The following PRRC2B variants were observed in gnomAD, a reference collection of about 807,000 sequenced individuals.
The protein encoded by PRRC2B is protein PRRC2B.
PRRC2B carries 68 observed loss-of-function variants against 242.3 expected under a neutral mutation model. The observed-to-expected ratio is 0.28, with a 90% confidence interval of 0.23 to 0.34. The LOEUF is 0.34. Among genes scored for constraint, PRRC2B ranks in the 10% least tolerant of loss-of-function variants. The pLI is 1.00. For missense variants in PRRC2B, 2,835 were observed against 2,954.8 expected, an observed-to-expected ratio of 0.96 and a Z score of 0.94; for synonymous variants, 1,228 against 1,173.6, an observed-to-expected ratio of 1.05 and a Z score of -0.95.
intron 9 of PRRC2B, among the ~76,000 whole-genome samples, chr9:131,449,577 A>G (rs1942847937): frequency 1.3e-5 from 2 of 152,136 alleles, no homozygotes; most frequent in African/African-American, 4.8e-5. Context: ...CAGCTGATAT[A>G]TTGTCCTTTG....
chr9:131,469,991 G>T (rs1332344954), intron 13 of PRRC2B, among the ~76,000 whole-genome samples: 1 of 152,132 alleles, frequency 6.6e-6, no homozygotes, highest in African/African-American at 2.4e-5. Context: ...CGGGGACCTG[G>T]TCTCGTCTGG....
rs759829656 is a variant in PRRC2B at position 131,476,472 on chromosome 9, G to A, written c.4343G>A (p.Gly1448Asp). ...TTTGGGGAGAAGCCCGTTAGGCCAG[G>A]TGGTGGTGACACCTCCCCTCGCTAT... ...GGFGEKPVRP[G>D]GGDTSPRYES... Residue 1448 changes from glycine (G) to aspartate (D), a missense_variant, in exon 16 of 32, where the codon GGT becomes GAT. Around this residue, in one of 7 missense-constraint regions of PRRC2B, gnomAD observed 1,536 missense variants for 1,483.1 expected, o/e 1.04. Coordinates refer to ENST00000683519, the MANE Select transcript of PRRC2B (RefSeq NM_013318.4). 4 of 1,612,962 alleles carry A rather than the reference G, an allele frequency of 2.5e-6. No homozygotes were observed. The highest frequency in any genetic ancestry group is 2.2e-5 in the South Asian group (2 of 91,024).
chr9:131,489,784 A>T (rs1296380833), intron 28 of PRRC2B, among the ~76,000 whole-genome samples: 2 of 151,916 alleles, frequency 1.3e-5, no homozygotes, highest in Non-Finnish European at 2.9e-5. Flanking sequence ...CCTCTCTTTC[A>T]TGCATCAGAT....
intron 23 of PRRC2B, among the ~76,000 whole-genome samples, chr9:131,484,350 G>T (rs1255108742): frequency 6.6e-6 from 1 of 152,158 alleles, no homozygotes. Context: ...CTGTCTGGAG[G>T]GCACTATGGA....
chr9:131,496,043 C>CT lies in PRRC2B; in HGVS notation c.*169_*170insT. 1.1e-6 allele frequency: 1 copy of CT among 910,370 alleles called. No homozygotes were observed. The allele number at this position is 910,370 out of a possible 1,614,324, so 56.4% of individuals were successfully genotyped here. A position where few individuals can be genotyped will look rare whatever the true frequency, so the allele number is the denominator to read the frequency against. On this transcript the variant is annotated 3_prime_UTR_variant, in exon 32 of 32. Transcript: ENST00000683519. ...GAAAGCTCCGTTGTCAACCAGCTTG[C>CT]ACCCGTGGATATATGGCATTGACCC...
At position 131,420,453 on chromosome 9, in the gene PRRC2B, TTTTC is replaced by T. The variant is rs148112779; in HGVS notation, c.-51-9601_-51-9598del. On this transcript the variant is annotated intron_variant, in intron 1 of 31. Transcript: ENST00000683519. ...TTTTCTTTTTTCTTTTTCTTTTTCT[TTTTC>T]TTTCTTTCTTTCTTTCTTTCTTTCT... Among the ~76,000 whole-genome samples the T allele has an allele frequency of 1.6e-3, 100 of 61,040 alleles. 2 individuals are homozygous for T. Among genetic ancestry groups the T allele is most frequent in the Middle Eastern group, 0.01 (1 of 98 alleles). 40.0% of individuals were successfully genotyped at this position (61,040 alleles called of 152,430 possible). A position where few individuals can be genotyped will look rare whatever the true frequency, so the allele number is the denominator to read the frequency against.
intron 28 of PRRC2B, 24 bp from the exon 29 acceptor site, chr9:131,491,401 C>T: frequency 6.4e-7 from 1 of 1,571,900 alleles, no homozygotes; most frequent in Admixed American, 1.8e-5. Flanking sequence ...ATTCCCCCTC[C>T]TGACTGTCAT....
At chr9:131,432,423 T>C (rs899889382) in intron 2 of PRRC2B, among the ~76,000 whole-genome samples, 194 bp from the exon 3 acceptor site, 3 of 152,210 alleles carry the variant, frequency 2.0e-5, no homozygotes, top group African/African-American at 7.2e-5. Context: ...CCTGTAGTCT[T>C]CAGTGAAGAG....
chr9:131,419,055 C>G (rs980470252), intron 1 of PRRC2B, among the ~76,000 whole-genome samples: 2 of 152,004 alleles, frequency 1.3e-5, no homozygotes, highest in African/African-American at 4.8e-5. Flanking sequence ...TCTTTTGTTA[C>G]TAAAAATGTG....
At position 131,399,688 on chromosome 9, in the gene PRRC2B, C is replaced by T. The variant is rs868671538; in HGVS notation, c.-52+5425C>T. Among the ~76,000 whole-genome samples the T allele has an allele frequency of 3.3e-5, 5 of 152,152 alleles. No homozygotes were observed. In the South Asian group the frequency reaches 1.0e-3, roughly 32 times the overall value. ...GTAAAGTTGCTGGTGTGTTTCTTTC[C>T]TCTGATAATGTCTGTGTTTTCTAAA... On this transcript the variant is annotated intron_variant, in intron 1 of 31. Coordinates refer to ENST00000683519, the MANE Select transcript of PRRC2B (RefSeq NM_013318.4).
At chr9:131,436,377 AAAAG>A (rs1176574234) in intron 3 of PRRC2B, among the ~76,000 whole-genome samples, 1 of 152,250 alleles carries the variant, frequency 6.6e-6, no homozygotes, top group Non-Finnish European at 1.5e-5. Context: ...AAAAAAAAGA[AAAAG>A]AAAAAGTCAG....
chr9:131,430,778 A>C lies in PRRC2B; in HGVS notation c.115+519A>C, dbSNP rs1230862287. The stretch of plus-strand genomic sequence containing the variant: ...CAGCTAATTTTTGTATTTTTAGTAG[A>C]GATGGGGTTTCCCCATGTTAGTGAG... On this transcript the variant is annotated intron_variant, in intron 2 of 31. Transcript: ENST00000683519. 2.7e-5 allele frequency among the ~76,000 whole-genome samples: 4 copies of C among 147,014 alleles called. No homozygotes were observed. In the East Asian group the frequency reaches 8.4e-4, roughly 31 times the overall value.
At chr9:131,379,997 T>TAA (rs1836735378) in intron 1 of PRRC2B, among the ~76,000 whole-genome samples, 1 of 113,638 alleles carries the variant, frequency 8.8e-6, no homozygotes, top group Non-Finnish European at 2.0e-5. Flanking sequence ...TATATAATAA[T>TAA]TTTTTTTTTT....
At chr9:131,481,940 T>C (rs776798958) in intron 20 of PRRC2B, 132 bp downstream of exon 20, 2 of 804,736 alleles carry the variant, frequency 2.5e-6, no homozygotes, top group Non-Finnish European at 2.1e-6. Flanking sequence ...TTAGGTTGTT[T>C]CCATGGGGCC....
At chr9:131,441,527 C>T (rs1464901886) in intron 5 of PRRC2B, among the ~76,000 whole-genome samples, 1 of 152,198 alleles carries the variant, frequency 6.6e-6, no homozygotes, top group Non-Finnish European at 1.5e-5. Context: ...CCTTTCTCTA[C>T]ACAAAATTTA....
At chr9:131,403,659 CT>C (rs1328232057) in intron 1 of PRRC2B, among the ~76,000 whole-genome samples, 17 of 25,664 alleles carry the variant, frequency 6.6e-4, no homozygotes, top group Admixed American at 2.2e-3. Flanking sequence ...CTGGCCCATA[CT>C]TTAAAAAAAA....
intron 9 of PRRC2B, among the ~76,000 whole-genome samples, chr9:131,448,549 A>AAAAAAAAAAAAAAAAAAAG (rs1838894500): frequency 1.2e-5 from 1 of 85,874 alleles, no homozygotes; most frequent in Non-Finnish European, 2.5e-5. Flanking sequence ...GTCTCAAAAA[A>AAAAAAAAAAAAAAAAAAAG]AAAAAAAAAA....
rs1247443326 is a variant in PRRC2B at position 131,498,440 on chromosome 9, G to A, written c.*2566G>A. On this transcript the variant is annotated 3_prime_UTR_variant, in exon 32 of 32. Coordinates refer to ENST00000683519, the MANE Select transcript of PRRC2B (RefSeq NM_013318.4). ...GATGCAGGTTTTAAATGAGACTTGG[G>A]GGGCTGAGGGCAGGCCTCAGGCCTC... The A allele has an allele frequency of 6.6e-6, 1 of 152,230 alleles. No individual in the cohort carries two copies. The highest frequency in any genetic ancestry group is 1.5e-5 in the Non-Finnish European group (1 of 68,042). The allele number at this position is 152,230 out of a possible 1,614,324, so 9.4% of individuals were successfully genotyped here. A position where few individuals can be genotyped will look rare whatever the true frequency, so the allele number is the denominator to read the frequency against.
rs1239103205 is a variant in PRRC2B at position 131,486,137 on chromosome 9, C to T, written c.5811C>T (p.Pro1937=). Residue 1937 remains proline (P), a synonymous_variant, in exon 26 of 32, where the codon CCC becomes CCT. Transcript: ENST00000683519. ...YLDGHVFASQ[P]RLVPQTIPQQ... Reference sequence around the variant, plus strand: ...ATGGCCATGTGTTTGCAAGTCAGCCCCGGCTGGTTCCTCAAACGATACCTC... The same window carrying T: ...ATGGCCATGTGTTTGCAAGTCAGCCTCGGCTGGTTCCTCAAACGATACCTC... 1 of 1,612,930 alleles carries T rather than the reference C, an allele frequency of 6.2e-7. No homozygotes were observed. The highest frequency in any genetic ancestry group is 1.3e-5 in the African/African-American group (1 of 74,914).
Sources: allele counts gnomAD v4.1 joint callset (sites outside exome capture counted in the v4.1 genomes callset), GRCh38; gene constraint gnomAD v4.1.1; regional missense constraint gnomAD v4.1.1; transcripts MANE v1.5; gene names NCBI Gene and HGNC (gene_info 2026-07-23, HGNC 2026-07-21).